COL6A2: variants seen among roughly 807,000 people sequenced by gnomAD.
COL6A2 encodes collagen type VI alpha 2 chain, also known as collagen alpha-2(VI) chain.
COL6A2 carries 90 observed loss-of-function variants against 124.9 expected under a neutral mutation model. The observed-to-expected ratio is 0.72, with a 90% confidence interval of 0.61 to 0.86. COL6A2 has a LOEUF of 0.86. COL6A2 is among the 40% of genes least tolerant of loss of function. COL6A2 has a pLI of 0.00. For missense variants in COL6A2, 1,607 were observed against 1,502.5 expected, an observed-to-expected ratio of 1.07 and a Z score of -1.15; for synonymous variants, 793 against 618.2, an observed-to-expected ratio of 1.28 and a Z score of -4.19.
chr21:46,126,596 C>T, intron 27 of COL6A2, 55 bp downstream of exon 27: 5 of 1,607,104 alleles, frequency 3.1e-6, no homozygotes, highest in South Asian at 1.1e-5. Context: ...GCCCTGGTGT[C>T]CTTCCTCCTC....
intron 1 of COL6A2, among the ~76,000 whole-genome samples, chr21:46,099,354 G>T (rs923515621): frequency 1.3e-5 from 2 of 151,704 alleles, no homozygotes; most frequent in African/African-American, 4.8e-5. Flanking sequence ...TAATCGGGAG[G>T]CTGAGGCAGG....
rs568409782 is a variant in COL6A2, at chr21:46,116,693, A to C, written c.954+16A>C. On this transcript the variant is annotated intron_variant, in intron 9 of 27. Transcript: ENST00000300527. The surrounding 1 kb of genome is among the most constrained non-coding windows in gnomAD (Gnocchi z 4.6). ...CGGTCGCAAGGTAGGCTGGCTGGGTAGGCAGAGCCCCTCCTTCCTGCTGCT... is the reference window on the plus strand; with the variant it reads ...CGGTCGCAAGGTAGGCTGGCTGGGTCGGCAGAGCCCCTCCTTCCTGCTGCT... 8.1e-6 allele frequency: 13 copies of C among 1,612,976 alleles called. 1 individual carries two copies. In the South Asian group the frequency reaches 1.4e-4, roughly 18 times the overall value.
At position 46,111,360 on chromosome 21, in the gene COL6A2, C is replaced by T. The variant is rs374342458; in HGVS notation, c.-27-90C>T. 52 of 712,444 alleles carry T rather than the reference C, an allele frequency of 7.3e-5. No homozygotes were observed. The Middle Eastern group carries it at 1.1e-3, about 16-fold the overall frequency. 44.1% of individuals were successfully genotyped at this position (712,444 alleles called of 1,614,324 possible). On this transcript the variant is annotated intron_variant, in intron 1 of 27. Coordinates refer to ENST00000300527, the MANE Select transcript of COL6A2 (RefSeq NM_001849.4). Reference sequence around the variant, plus strand: ...AGACTGAGGGCAGTGCCCCCAATCCCGCTGACCTGCTGTGCGTGCGCCTGC... The same window carrying T: ...AGACTGAGGGCAGTGCCCCCAATCCTGCTGACCTGCTGTGCGTGCGCCTGC...
chr21:46,129,079 A>C lies in COL6A2; in HGVS notation c.2461+2538A>C, dbSNP rs1466804691. The C allele has an allele frequency of 1.1e-5, 18 of 1,597,988 alleles. No individual in the cohort carries two copies. The Admixed American group carries it at 3.0e-4, about 27-fold the overall frequency. On this transcript the variant is annotated intron_variant, in intron 27 of 27. Transcript: ENST00000300527. ...CGCTCCACCTGCATTTCCTCTACCGACTCGCCAGCCCAAATGCCGCTCTTC... is the reference window on the plus strand; with the variant it reads ...CGCTCCACCTGCATTTCCTCTACCGCCTCGCCAGCCCAAATGCCGCTCTTC...
At chr21:46,125,377 C>T in intron 24 of COL6A2, 66 bp downstream of exon 24, 1 of 1,604,540 alleles carries the variant, frequency 6.2e-7, no homozygotes, top group South Asian at 1.1e-5. Context: ...TGCAGCAGGG[C>T]TGGGTCATCG....
chr21:46,103,206 A>C (rs966026407), intron 1 of COL6A2, among the ~76,000 whole-genome samples: 1 of 152,148 alleles, frequency 6.6e-6, no homozygotes, highest in Non-Finnish European at 1.5e-5. Flanking sequence ...AATTGTTGAC[A>C]TATAGTTGCT....
intron 23 of COL6A2, 55 bp downstream of exon 23, chr21:46,124,975 A>T: frequency 6.2e-7 from 1 of 1,603,586 alleles, no homozygotes; most frequent in South Asian, 1.1e-5. Flanking sequence ...ACTAGACACC[A>T]AGAGCAGCAG....
rs377758087 is a variant in COL6A2 at position 46,124,125 on chromosome 21, G to A, written c.1672-526G>A. On this transcript the variant is annotated intron_variant, in intron 21 of 27. Coordinates refer to ENST00000300527, the MANE Select transcript of COL6A2 (RefSeq NM_001849.4). ...TGGACGGACAGGTGAGTGGGTGGGT[G>A]GATGGATAGATGGGTAAGTGAGTGG... is the stretch of plus-strand genomic sequence containing the variant. Among the ~76,000 whole-genome samples the A allele has an allele frequency of 2.6e-5, 4 of 151,202 alleles. No homozygotes were observed. The East Asian group carries it at 7.8e-4, about 29-fold the overall frequency.
Position 46,126,089 on chromosome 21 carries a change from C to T in COL6A2, c.2274C>T (p.Gly758=). ...GCGACGTCACAGTGACGGCCATCGGCATCGGGGACATGTTCCACGAGAAGC... is the reference window on the plus strand; with the variant it reads ...GCGACGTCACAGTGACGGCCATCGGTATCGGGGACATGTTCCACGAGAAGC... ...CDRDVTVTAI[G]IGDMFHEKHE... The change falls in exon 26 of 28, where the codon GGC becomes GGT. Residue 758 remains glycine, a synonymous_variant. Coordinates refer to ENST00000300527, the MANE Select transcript of COL6A2 (RefSeq NM_001849.4). The T allele has an allele frequency of 1.2e-6, 2 of 1,612,910 alleles. No homozygotes were observed. Among genetic ancestry groups the T allele is most frequent in the Non-Finnish European group, 1.7e-6 (2 of 1,180,022 alleles).
intron 15 of COL6A2, 31 bp from the exon 16 acceptor site, chr21:46,120,484 G>C (rs1273309146): frequency 6.6e-7 from 1 of 1,525,838 alleles, no homozygotes; most frequent in Non-Finnish European, 8.8e-7. Context: ...CCTCAGCTGA[G>C]ACCCGTGGGG....
rs2078547393 is a variant in COL6A2, at chr21:46,120,521, C to T, written c.1339C>T (p.Pro447Ser). 1 of 1,502,186 alleles carries T rather than the reference C, an allele frequency of 6.7e-7. No individual in the cohort carries two copies. Among genetic ancestry groups the T allele is most frequent in the Admixed American group, 2.5e-5 (1 of 39,724 alleles). 93.1% of individuals were successfully genotyped at this position (1,502,186 alleles called of 1,614,324 possible). The stretch of plus-strand genomic sequence containing the variant: ...CTCCCTTCCCTTCCCACAGGGGGAC[C>T]CTGGCCCTGAGGGGCCCCGCGGCCT... ...SDGPKGEKGD[P>S]GPEGPRGLAG... The change falls in exon 16 of 28, where the codon CCT becomes TCT. Residue 447 changes from proline (P) to serine (S), a missense_variant. Physicochemically the swap from Pro to Ser is moderately conservative, Grantham distance 74 (BLOSUM62 -1). This residue lies in a region of COL6A2 where 1,223 missense variants were observed against 1,052.2 expected (regional missense o/e 1.16). Coordinates refer to ENST00000300527, the MANE Select transcript of COL6A2 (RefSeq NM_001849.4).
chr21:46,120,445 C>A, intron 15 of COL6A2, 70 bp from the exon 16 acceptor site: 2 of 1,304,872 alleles, frequency 1.5e-6, no homozygotes, highest in Non-Finnish European at 2.2e-6. Context: ...CGGCCACACC[C>A]GCCTCTCACA....
rs141021828 is a variant in COL6A2 at position 46,132,097 on chromosome 21, G to C, written c.2605G>C (p.Asp869His). 1.3e-6 allele frequency: 2 copies of C among 1,595,384 alleles called. No individual in the cohort carries two copies. The highest frequency in any genetic ancestry group is 2.7e-5 in the African/African-American group (2 of 74,454). The stretch of plus-strand genomic sequence containing the variant: ...GCGGCGGCTGACGCTGGCCCGGAGG[G>C]ACGACGACCCTCTCAACGCACGCGT... ...VARRLTLARR[D>H]DDPLNARVAL... Residue 869 changes from aspartate (D) to histidine (H), a missense_variant, in exon 28 of 28, where the codon GAC (aspartate) becomes CAC (histidine). This residue lies in a region of COL6A2 where 1,223 missense variants were observed against 1,052.2 expected (regional missense o/e 1.16). Coordinates refer to ENST00000300527, the MANE Select transcript of COL6A2 (RefSeq NM_001849.4).
intron 1 of COL6A2, among the ~76,000 whole-genome samples, chr21:46,109,466 CCAGCCTGA>C (rs2078371459): frequency 6.6e-6 from 1 of 152,192 alleles, no homozygotes; most frequent in South Asian, 2.1e-4. Context: ...CAGGCCTGCC[CCAGCCTGA>C]AGGTGGGGCT....
intron 27 of COL6A2, among the ~76,000 whole-genome samples, chr21:46,127,526 C>G (rs1377099520): frequency 6.6e-6 from 1 of 152,156 alleles, no homozygotes; most frequent in Non-Finnish European, 1.5e-5. Context: ...GGCCCCACAA[C>G]AGTGGGCTGT....
intron 27 of COL6A2, chr21:46,129,325 C>A (rs761193026): frequency 5.6e-6 from 9 of 1,612,936 alleles, no homozygotes; most frequent in Admixed American, 1.7e-5. Context: ...ACGCAGGACC[C>A]GGCCGCCTAC....
intron 1 of COL6A2, among the ~76,000 whole-genome samples, chr21:46,105,837 A>C (rs1293074698): frequency 6.6e-6 from 1 of 152,086 alleles, no homozygotes; most frequent in Non-Finnish European, 1.5e-5. Flanking sequence ...AGGTATACAG[A>C]AAAAAAATGC....
Position 46,116,791 on chromosome 21 carries a change from A to G in COL6A2, c.976A>G (p.Lys326Glu), listed in dbSNP as rs780345589. The part of the protein sequence containing the change: ...GRKGAPGLAG[K>E]NGTDGQKGKL... Reference sequence around the variant, plus strand: ...TCAGGGGGCCCCTGGCCTGGCTGGCAAGAACGGGACCGATGGACAGAAGGT... The same window carrying G: ...TCAGGGGGCCCCTGGCCTGGCTGGCGAGAACGGGACCGATGGACAGAAGGT... The change falls in exon 10 of 28, where the codon AAG becomes GAG. Residue 326 changes from lysine (K) to glutamate (E), a missense_variant. By Grantham distance (56) the Lys-to-Glu change is moderately conservative. Transcript: ENST00000300527. This position sits in a 1 kb window ranked among gnomAD's most constrained non-coding sequence, Gnocchi z 4.6. 1 of 1,612,998 alleles carries G rather than the reference A, an allele frequency of 6.2e-7. No homozygotes were observed.
In COL6A2 at chr21:46,132,730, T is replaced by C. The variant is rs1278414188; in HGVS notation, c.*178T>C. ...CCCGGCCCCCGCCCAGCCCCAGGTC[T>C]CCCCAGGCCCTCCGCAGGCTGCCCG... is the stretch of plus-strand genomic sequence containing the variant. On this transcript the variant is annotated 3_prime_UTR_variant, in exon 28 of 28. Transcript: ENST00000300527. 2 of 650,864 alleles carry C rather than the reference T, an allele frequency of 3.1e-6. No individual in the cohort carries two copies. Among genetic ancestry groups the C allele is most frequent in the African/African-American group, 1.8e-5 (1 of 54,132 alleles). 40.3% of individuals were successfully genotyped at this position (650,864 alleles called of 1,614,324 possible). A position where few individuals can be genotyped will look rare whatever the true frequency, so the allele number is the denominator to read the frequency against.
Sources: allele counts gnomAD v4.1 joint callset (sites outside exome capture counted in the v4.1 genomes callset), GRCh38; gene constraint gnomAD v4.1.1; regional missense constraint gnomAD v4.1.1; non-coding constraint Gnocchi (gnomAD v3.1); transcripts MANE v1.5; gene names NCBI Gene and HGNC (gene_info 2026-07-23, HGNC 2026-07-21).